Variants in SKI observed in about 807,000 individuals in gnomAD.
SKI encodes the protein ski oncogene.
A neutral mutation model predicts 59.3 loss-of-function variants in SKI; 23 were observed. The observed-to-expected ratio is 0.39, with a 90% CI of 0.28 to 0.55. The LOEUF is 0.55. Ranked by LOEUF, SKI falls within the 20% of genes least tolerant of loss-of-function variation. The pLI is 0.67. For synonymous variants in SKI, 673 were observed against 488.6 expected, an observed-to-expected ratio of 1.38 and a Z score of -4.98; for missense variants, 1,017 against 1,038.9, an observed-to-expected ratio of 0.98 and a Z score of 0.29.
At chr1:2,291,659 G>A (rs1479856901) in intron 1 of SKI, among the ~76,000 whole-genome samples, 1 of 133,552 alleles carries the variant, frequency 7.5e-6, no homozygotes, top group African/African-American at 3.0e-5. Flanking sequence ...CTTCCCCCCT[G>A]GATGGATGGG....
intron 1 of SKI, among the ~76,000 whole-genome samples, chr1:2,291,145 G>T (rs1035018296): frequency 6.6e-6 from 1 of 152,026 alleles, no homozygotes; most frequent in African/African-American, 2.4e-5. Context: ...GGATGCTCAT[G>T]CCAGCTTGCT....
intron 1 of SKI, among the ~76,000 whole-genome samples, chr1:2,257,756 G>C (rs1242410529): frequency 6.6e-6 from 1 of 151,860 alleles, no homozygotes; most frequent in Non-Finnish European, 1.5e-5. Flanking sequence ...ATTTATTTTT[G>C]AGGTGGAACT....
Position 2,279,858 on chromosome 1 carries a change from C to G in SKI, c.970-23120C>G, listed in dbSNP as rs1214097745. 5.3e-5 allele frequency among the ~76,000 whole-genome samples: 8 copies of G among 152,190 alleles called. No individual in the cohort carries two copies. In the South Asian group the frequency reaches 1.0e-3, roughly 20 times the overall value. On this transcript the variant is annotated intron_variant, in intron 1 of 6. Transcript: ENST00000378536. ...AGTGAGCCAGTGTGCCCAGCCTCTTCCTAAGTTTACACCAGTGTGGGCATC... is the reference window on the plus strand; with the variant it reads ...AGTGAGCCAGTGTGCCCAGCCTCTTGCTAAGTTTACACCAGTGTGGGCATC...
At chr1:2,247,558 C>G (rs1639026178) in intron 1 of SKI, among the ~76,000 whole-genome samples, 1 of 152,238 alleles carries the variant, frequency 6.6e-6, no homozygotes, top group Non-Finnish European at 1.5e-5. Context: ...GTGTGGTGGA[C>G]CCGGGGCAAG....
chr1:2,271,379 C>G (rs1021488391), intron 1 of SKI, among the ~76,000 whole-genome samples: 1 of 152,002 alleles, frequency 6.6e-6, no homozygotes, highest in Admixed American at 6.5e-5. Flanking sequence ...GGAGAGGTCC[C>G]CCACAGGAGC....
At chr1:2,250,927 G>A (rs941686425) in intron 1 of SKI, among the ~76,000 whole-genome samples, 2 of 152,374 alleles carry the variant, frequency 1.3e-5, no homozygotes, top group South Asian at 2.1e-4. Context: ...GAGGCATCAG[G>A]AGCAAGCGGC....
chr1:2,287,491 C>T (rs1038714770), intron 1 of SKI, among the ~76,000 whole-genome samples: 3 of 151,968 alleles, frequency 2.0e-5, no homozygotes, highest in South Asian at 2.1e-4. Flanking sequence ...TGCCCGCCAC[C>T]ACGCCCAGCT....
At chr1:2,230,056 T>G (rs1638597769) in intron 1 of SKI, among the ~76,000 whole-genome samples, 1 of 152,150 alleles carries the variant, frequency 6.6e-6, no homozygotes, top group South Asian at 2.1e-4. Context: ...GGCCTCATGC[T>G]CCCGAGAAAG....
intron 1 of SKI, among the ~76,000 whole-genome samples, chr1:2,236,014 T>G (rs988808559): frequency 1.3e-5 from 2 of 152,232 alleles, no homozygotes; most frequent in African/African-American, 4.8e-5. Flanking sequence ...GTTCGGTGCT[T>G]GGTGTTCGTG....
intron 1 of SKI, among the ~76,000 whole-genome samples, chr1:2,255,712 A>T (rs188590903): frequency 7.0e-6 from 1 of 142,348 alleles, no homozygotes; most frequent in East Asian, 2.2e-4. Context: ...CCTGTCTGGA[A>T]CATGCTGTAT....
chr1:2,253,864 C>T (rs1383855415), intron 1 of SKI, among the ~76,000 whole-genome samples: 3 of 152,144 alleles, frequency 2.0e-5, no homozygotes, highest in Non-Finnish European at 2.9e-5. Context: ...GGCCGGGCAT[C>T]GATGCTGGAC....
chr1:2,247,293 A>T (rs939108345), intron 1 of SKI, among the ~76,000 whole-genome samples: 1 of 150,850 alleles, frequency 6.6e-6, no homozygotes, highest in East Asian at 1.9e-4. Context: ...GCAGCTGGAG[A>T]GGGAAGGGCC....
chr1:2,284,073 G>C (rs1163715262), intron 1 of SKI, among the ~76,000 whole-genome samples: 3 of 152,168 alleles, frequency 2.0e-5, no homozygotes, highest in African/African-American at 4.8e-5. Flanking sequence ...TGTCCTCCGG[G>C]CCATCCCCCG....
At chr1:2,306,380 G>C in intron 6 of SKI, 130 bp downstream of exon 6, 1 of 1,038,754 alleles carries the variant, frequency 9.6e-7, no homozygotes, top group Non-Finnish European at 1.4e-6. Flanking sequence ...TTCCGTGCGT[G>C]CCCCCCCGAC....
rs368152781 is a variant in SKI at position 2,301,225 on chromosome 1, T to C, written c.970-1753T>C. On this transcript the variant is annotated intron_variant, in intron 1 of 6. Coordinates refer to ENST00000378536, the MANE Select transcript of SKI (RefSeq NM_003036.4). ...GGATGGCACCCGCCCCTGCCAGGCA[T>C]AGGCACAGCACCCTGCGGTCAGGGC... Among the ~76,000 whole-genome samples the C allele has an allele frequency of 6.4e-3, 968 of 152,316 alleles. 13 individuals are homozygous for C. Among genetic ancestry groups the C allele is most frequent in the African/African-American group, 0.022 (895 of 41,578 alleles).
intron 5 of SKI, among the ~76,000 whole-genome samples, chr1:2,305,555 TCA>T (rs1422740493): frequency 6.6e-5 from 10 of 152,116 alleles, no homozygotes; most frequent in African/African-American, 2.4e-4. Flanking sequence ...GGGGTGTGAG[TCA>T]CACGGATATT....
At chr1:2,236,250 G>A (rs1405628763) in intron 1 of SKI, among the ~76,000 whole-genome samples, 1 of 152,168 alleles carries the variant, frequency 6.6e-6, no homozygotes, top group Non-Finnish European at 1.5e-5. Context: ...AGGGGCTAGG[G>A]TTAGGGACGC....
Position 2,228,456 on chromosome 1 carries a change from C to T in SKI, c.-311C>T, listed in dbSNP as rs1010859874. The stretch of plus-strand genomic sequence containing the variant: ...TTGGCGGCGCGCGCCGGGGCATGCC[C>T]CGCGCCTAGAGCCCGGGGGGCGCGC... On this transcript the variant is annotated 5_prime_UTR_variant, in exon 1 of 7. Coordinates refer to ENST00000378536, the MANE Select transcript of SKI (RefSeq NM_003036.4). Among the ~76,000 whole-genome samples the T allele has an allele frequency of 2.8e-5, 4 of 142,248 alleles. No homozygotes were observed. The highest frequency in any genetic ancestry group is 4.7e-5 in the Non-Finnish European group (3 of 64,278). 93.3% of individuals were successfully genotyped at this position (142,248 alleles called of 152,430 possible). A position where few individuals can be genotyped will look rare whatever the true frequency, so the allele number is the denominator to read the frequency against.
At chr1:2,297,060 G>T (rs918267367) in intron 1 of SKI, among the ~76,000 whole-genome samples, 11 of 151,986 alleles carry the variant, frequency 7.2e-5, no homozygotes, top group Non-Finnish European at 1.3e-4. Context: ...CTTGGTGTGG[G>T]CATAGGCCGT....
Sources: allele counts gnomAD v4.1 joint callset (sites outside exome capture counted in the v4.1 genomes callset), GRCh38; gene constraint gnomAD v4.1.1; transcripts MANE v1.5; gene names NCBI Gene and HGNC (gene_info 2026-07-23, HGNC 2026-07-21).